Variants in EPB41L4A observed in about 807,000 individuals in gnomAD.
EPB41L4A encodes band 4.1-like protein 4A.
A neutral mutation model predicts 108.6 loss-of-function variants in EPB41L4A; 100 were observed. That is an observed-to-expected ratio of 0.92 (90% CI 0.78 to 1.09). EPB41L4A has a LOEUF of 1.09. Among genes scored for constraint, EPB41L4A ranks in the 50% least tolerant of loss-of-function variants. The pLI is 0.00. For missense variants in EPB41L4A, 1,030 were observed against 842.7 expected (o/e 1.22, Z -2.75); for synonymous variants, 319 against 289.0 (o/e 1.10, Z -1.05).
At chr5:112,400,009 G>GT (rs1169341397) in intron 1 of EPB41L4A, among the ~76,000 whole-genome samples, 1 of 152,208 alleles carries the variant, frequency 6.6e-6, no homozygotes, top group Non-Finnish European at 1.5e-5. Flanking sequence ...GAGACTGGGT[G>GT]TATTAGTCCA....
intron 1 of EPB41L4A, among the ~76,000 whole-genome samples, chr5:112,410,570 A>C (rs967434758): frequency 1.3e-5 from 2 of 152,124 alleles, no homozygotes; most frequent in African/African-American, 2.4e-5. Context: ...CTGACCCAAG[A>C]GGTAGACTGG....
chr5:112,217,527 A>G (rs1415274155), intron 12 of EPB41L4A, among the ~76,000 whole-genome samples: 1 of 152,042 alleles, frequency 6.6e-6, no homozygotes, highest in East Asian at 1.9e-4. Flanking sequence ...AGTGAGACCT[A>G]TCTCTACAAA....
At chr5:112,348,128 CTA>C in intron 1 of EPB41L4A, among the ~76,000 whole-genome samples, 1 of 152,292 alleles carries the variant, frequency 6.6e-6, no homozygotes, top group Non-Finnish European at 1.5e-5. Context: ...ACACTTTTCT[CTA>C]TGTCACTCCC....
At chr5:112,160,583 T>A (rs1759825568), downstream of EPB41L4A, 1 of 152,590 alleles carries the variant, frequency 6.6e-6, no homozygotes, top group Non-Finnish European at 1.5e-5. Context: ...CTGCCAGCAC[T>A]GATCATATGC....
At chr5:112,148,126 T>TATAATAGTATTACTATATAATATA (rs1561427595) in intron 12 of EPB41L4A, among the ~76,000 whole-genome samples, 7 of 148,030 alleles carry the variant, frequency 4.7e-5, no homozygotes, top group African/African-American at 1.2e-4. Context: ...AATATAATAA[T>TATAATAGTATTACTATATAATATA]ATAATAGTAT....
chr5:112,255,272 ATTC>A (rs1238635987), intron 9 of EPB41L4A, among the ~76,000 whole-genome samples: 1 of 151,892 alleles, frequency 6.6e-6, no homozygotes, highest in African/African-American at 2.4e-5. Context: ...CAAATCTCCA[ATTC>A]TTATCTTCCT....
chr5:112,308,011 C>T (rs1017339539), intron 1 of EPB41L4A, among the ~76,000 whole-genome samples: 9 of 152,046 alleles, frequency 5.9e-5, no homozygotes, highest in African/African-American at 2.2e-4. Context: ...TCTGAAAAGC[C>T]CCTGTGAAGA....
intron 1 of EPB41L4A, among the ~76,000 whole-genome samples, chr5:112,402,590 G>A (rs919120008): frequency 1.2e-4 from 18 of 152,196 alleles, no homozygotes; most frequent in Non-Finnish European, 2.1e-4. Flanking sequence ...AAGAAAAAGC[G>A]TGGGGAAAAG....
chr5:112,180,246 G>A (rs1185682895), intron 18 of EPB41L4A, among the ~76,000 whole-genome samples: 1 of 152,082 alleles, frequency 6.6e-6, no homozygotes, highest in African/African-American at 2.4e-5. Context: ...GAAATGCAAA[G>A]GTCCTAATAA....
intron 2 of EPB41L4A, among the ~76,000 whole-genome samples, chr5:112,303,329 G>A (rs193231728): frequency 6.6e-6 from 1 of 152,156 alleles, no homozygotes; most frequent in Non-Finnish European, 1.5e-5. Flanking sequence ...AATACTCAGA[G>A]TACTCGGGGG....
intron 1 of EPB41L4A, among the ~76,000 whole-genome samples, chr5:112,363,299 T>A (rs565506103): frequency 6.6e-6 from 1 of 152,164 alleles, no homozygotes; most frequent in African/African-American, 2.4e-5. Flanking sequence ...ATATTTTCAA[T>A]TCAAACAATC....
chr5:112,199,955 G>A (rs745430978), intron 15 of EPB41L4A, among the ~76,000 whole-genome samples: 2 of 152,168 alleles, frequency 1.3e-5, no homozygotes, highest in Non-Finnish European at 2.9e-5. Context: ...TTCTCCACAG[G>A]ACAGTGAGGG....
intron 15 of EPB41L4A, among the ~76,000 whole-genome samples, chr5:112,197,179 C>CT (rs1762004939): frequency 2.6e-5 from 4 of 152,176 alleles, no homozygotes; most frequent in Admixed American, 2.6e-4. Context: ...TTTCAAGACT[C>CT]TACTGTTTAA....
At chr5:112,265,676 T>A (rs1350580106) in intron 5 of EPB41L4A, among the ~76,000 whole-genome samples, 1 of 152,216 alleles carries the variant, frequency 6.6e-6, no homozygotes, top group African/African-American at 2.4e-5. Flanking sequence ...TCTCCCCACA[T>A]CTAGCTTGAT....
At chr5:112,265,649 G>T (rs1398478541) in intron 5 of EPB41L4A, among the ~76,000 whole-genome samples, 1 of 152,240 alleles carries the variant, frequency 6.6e-6, no homozygotes, top group Non-Finnish European at 1.5e-5. Flanking sequence ...ACAAGGGCAA[G>T]GACCATGCTA....
intron 2 of EPB41L4A, among the ~76,000 whole-genome samples, chr5:112,293,879 T>C (rs1753816997): frequency 6.6e-6 from 1 of 152,216 alleles, no homozygotes; most frequent in Non-Finnish European, 1.5e-5. Context: ...AAGAACATCA[T>C]CTCTTCCTTT....
intron 1 of EPB41L4A, chr5:112,363,509 T>A (rs1327298797): frequency 1.3e-5 from 2 of 152,454 alleles, no homozygotes; most frequent in Non-Finnish European, 2.9e-5. Flanking sequence ...ATAAGGGAGA[T>A]CTTTGACGTT....
At chr5:112,201,030 C>T (rs1369949751) in intron 15 of EPB41L4A, among the ~76,000 whole-genome samples, 1 of 152,090 alleles carries the variant, frequency 6.6e-6, no homozygotes, top group Non-Finnish European at 1.5e-5. Flanking sequence ...ATTTTAAATG[C>T]CAGTGTTAAT....
At chr5:112,289,152 T>C (rs1214888260) in intron 2 of EPB41L4A, among the ~76,000 whole-genome samples, 2 of 152,078 alleles carry the variant, frequency 1.3e-5, no homozygotes, top group African/African-American at 4.8e-5. Flanking sequence ...TATGGTGTAG[T>C]GATGGAAGAG....
Sources: gnomAD v4.1 joint callset for allele counts (sites outside exome capture counted in the v4.1 genomes callset) on GRCh38, gnomAD v4.1.1 for gene constraint, MANE v1.5 for transcripts, NCBI Gene and HGNC (gene_info 2026-07-23, HGNC 2026-07-21) for gene names.